The following STAG2 variants were observed in gnomAD, a reference collection of about 807,000 sequenced individuals.
STAG2 encodes the protein cohesin subunit SA-2.
Under a neutral mutation model 108.1 loss-of-function variants are expected in STAG2, and 14 were observed. The observed-to-expected ratio is 0.13, with a 90% confidence interval of 0.09 to 0.20. STAG2 has a LOEUF of 0.20. Ranked by LOEUF, STAG2 falls within the 10% of genes least tolerant of loss-of-function variation. The pLI, the probability that STAG2 is intolerant of heterozygous loss-of-function variation, is 1.00. For synonymous variants in STAG2, 307 were observed against 302.7 expected, an observed-to-expected ratio of 1.01 and a Z score of -0.15; for missense variants, 440 against 940.9, an observed-to-expected ratio of 0.47 and a Z score of 6.96.
At chrX:123,961,399 C>T (rs2053845916), upstream of STAG2, 1 of 106,509 alleles carries the variant, frequency 9.4e-6, no homozygotes, top group Admixed American at 1.0e-4. Context: ...TCCTTTTCTC[C>T]GGCAGGCTCC....
At chrX:124,093,879 T>G in intron 32 of STAG2, 139 bp from the exon 33 acceptor site, 1 of 632,271 alleles carries the variant, frequency 1.6e-6, no homozygotes, top group Non-Finnish European at 2.4e-6. Flanking sequence ...GATGACATAA[T>G]CAATGCCTAA....
chrX:124,076,885 T>C (rs1293298560), intron 26 of STAG2, among the ~76,000 whole-genome samples: 1 of 110,758 alleles, frequency 9.0e-6, no homozygotes, highest in Admixed American at 9.8e-5. Context: ...TGAGTTCCTT[T>C]ATCTGTTCCA....
At chrX:123,966,827 A>G (rs1180293558) in intron 1 of STAG2, among the ~76,000 whole-genome samples, 3 of 111,935 alleles carry the variant, frequency 2.7e-5, no homozygotes, top group South Asian at 3.6e-4. Context: ...GATCTTTGAT[A>G]CTCACCAGTA....
chrX:124,086,889 C>A, intron 30 of STAG2, 119 bp downstream of exon 30: 1 of 611,322 alleles, frequency 1.6e-6, no homozygotes, highest in Non-Finnish European at 2.4e-6. Flanking sequence ...AAAATGTGTT[C>A]ATTATGTGTA....
In STAG2 at chrX:124,057,941, T is replaced by A. The variant is rs1466152997; in HGVS notation, c.1380T>A (p.Leu460=). The stretch of plus-strand genomic sequence containing the variant: ...GAAGACAAGGTCCAAATGCCAACCT[T>A]GTTAAGACATTGGTTTTTTTCTTTC... ...RRGRQGPNAN[L]VKTLVFFFLE... Residue 460 remains leucine (L), a synonymous_variant, in exon 15 of 35, where the codon CTT becomes CTA. Coordinates refer to ENST00000371145, the MANE Select transcript of STAG2 (RefSeq NM_001042750.2). The A allele has an allele frequency of 8.4e-7, 1 of 1,193,601 alleles. No homozygotes were observed. Among genetic ancestry groups the A allele is most frequent in the Non-Finnish European group, 1.1e-6 (1 of 885,816 alleles).
chrX:124,042,546 C>T, intron 6 of STAG2, 23 bp from the exon 7 acceptor site: 3 of 1,134,698 alleles, frequency 2.6e-6, no homozygotes, highest in East Asian at 3.0e-5. Context: ...CATATATTAA[C>T]TTCTGACATT....
chrX:123,999,956 G>C (rs1378741397), intron 1 of STAG2, among the ~76,000 whole-genome samples: 1 of 106,505 alleles, frequency 9.4e-6, no homozygotes, highest in Non-Finnish European at 1.9e-5. Context: ...ACAGGGTCTT[G>C]CTATGTTGCC....
At chrX:123,993,872 C>T (rs768730524) in intron 1 of STAG2, among the ~76,000 whole-genome samples, 8 of 111,517 alleles carry the variant, frequency 7.2e-5, no homozygotes, top group Non-Finnish European at 1.3e-4. Flanking sequence ...GAACTGCTCT[C>T]ATATAGGTGG....
chrX:124,066,041 TGTC>T (rs1172204578), intron 21 of STAG2, 95 bp downstream of exon 21: 8 of 951,417 alleles, frequency 8.4e-6, no homozygotes, highest in East Asian at 3.3e-5. Context: ...AATTTGTTGT[TGTC>T]GTTGTGGGGG....
chrX:124,059,438 TTTATTC>T (rs2058316246), intron 15 of STAG2, among the ~76,000 whole-genome samples: 2 of 112,109 alleles, frequency 1.8e-5, no homozygotes, highest in African/African-American at 6.5e-5. Flanking sequence ...AATGTTCCCT[TTTATTC>T]TTTTCTTTGC....
At chrX:124,040,304 A>G (rs1044589149) in intron 6 of STAG2, among the ~76,000 whole-genome samples, 2 of 110,888 alleles carry the variant, frequency 1.8e-5, no homozygotes, top group Non-Finnish European at 3.8e-5. Flanking sequence ...TTCTGTGGCC[A>G]GTGTTTTCTT....
intron 1 of STAG2, among the ~76,000 whole-genome samples, chrX:123,982,611 T>C (rs755533389): frequency 4.5e-5 from 5 of 111,200 alleles, no homozygotes; most frequent in Non-Finnish European, 9.4e-5. Context: ...GGTCTCGAAC[T>C]CCTGACCTCA....
At chrX:124,086,100 T>C (rs1411688693) in intron 29 of STAG2, among the ~76,000 whole-genome samples, 6 of 108,413 alleles carry the variant, frequency 5.5e-5, no homozygotes, top group Non-Finnish European at 1.1e-4. Context: ...TCGTCACCTG[T>C]AAAATTGGGA....
intron 7 of STAG2, among the ~76,000 whole-genome samples, chrX:124,044,432 T>A (rs1569511303): frequency 8.9e-6 from 1 of 112,151 alleles, no homozygotes; most frequent in Non-Finnish European, 1.9e-5. Flanking sequence ...TGACAAAAAT[T>A]AATTTTTAAA....
intron 1 of STAG2, among the ~76,000 whole-genome samples, chrX:123,979,797 G>A (rs1157977802): frequency 9.0e-6 from 1 of 111,595 alleles, no homozygotes; most frequent in Non-Finnish European, 1.9e-5. Context: ...CATTTATAGT[G>A]TATTTGTGAT....
At chrX:124,021,284 A>G (rs1312744907) in intron 1 of STAG2, 83 bp from the exon 2 acceptor site, 1 of 111,914 alleles carries the variant, frequency 8.9e-6, no homozygotes, top group East Asian at 2.8e-4. Flanking sequence ...TACTGGGAGA[A>G]GTCATTAGGA....
At chrX:123,974,273 G>T (rs2054513329) in intron 1 of STAG2, among the ~76,000 whole-genome samples, 1 of 104,720 alleles carries the variant, frequency 9.5e-6, no homozygotes, top group Non-Finnish European at 2.0e-5. Flanking sequence ...TACTCTGTTG[G>T]CCAGGCTGGA....
intron 1 of STAG2, chrX:123,963,506 T>C (rs1248094838): frequency 9.0e-6 from 1 of 111,124 alleles, no homozygotes; most frequent in African/African-American, 3.3e-5. Flanking sequence ...TCTACATTGA[T>C]ATCAATCTAT....
At chrX:124,012,006 G>T (rs1246578205) in intron 1 of STAG2, among the ~76,000 whole-genome samples, 4 of 111,563 alleles carry the variant, frequency 3.6e-5, no homozygotes, top group African/African-American at 1.3e-4. Context: ...TAGTGAAAGG[G>T]TGTTGAATCT....
Sources: gnomAD v4.1 joint callset for allele counts (sites outside exome capture counted in the v4.1 genomes callset) on GRCh38, gnomAD v4.1.1 for gene constraint, MANE v1.5 for transcripts, NCBI Gene and HGNC (gene_info 2026-07-23, HGNC 2026-07-21) for gene names.